Variants in SYNE1 observed in about 807,000 individuals in gnomAD.
SYNE1 encodes the protein spectrin repeat containing nuclear envelope protein 1, also known as nesprin-1.
Under a neutral mutation model 1,111.0 loss-of-function variants are expected in SYNE1, and 616 were observed. That is an observed-to-expected ratio of 0.55 (90% CI 0.52 to 0.59). The LOEUF is 0.59. SYNE1 is among the 20% of genes least tolerant of loss of function. The probability of loss-of-function intolerance (pLI) is 0.00; values close to 1 mark genes in which losing one functional copy is unlikely to be tolerated. For synonymous variants in SYNE1, 3,855 were observed against 3,825.8 expected (o/e 1.01, Z -0.28); for missense variants, 10,006 against 10,417.0 (o/e 0.96, Z 1.72).
Position 152,135,676 on chromosome 6 carries a change from C to T in SYNE1, c.25660-444G>A, listed in dbSNP as rs572034998. On this transcript the variant is annotated intron_variant, in intron 141 of 145. Coordinates refer to ENST00000367255, the MANE Select transcript of SYNE1 (RefSeq NM_182961.4). ...ACATACAGTTACTAAAGATCTCCTA[C>T]AGATAAGGCACTGTACTAGGAGTGG... is the stretch of plus-strand genomic sequence containing the variant. Among the ~76,000 whole-genome samples, 26 of 152,290 alleles carry T rather than the reference C, an allele frequency of 1.7e-4. No individual in the cohort carries two copies. The East Asian group carries it at 4.4e-3, about 26-fold the overall frequency.
chr6:152,211,513 G>C lies in SYNE1; in HGVS notation c.22570C>G (p.Gln7524Glu). 6.2e-7 allele frequency: 1 copy of C among 1,613,548 alleles called. No individual in the cohort carries two copies. Among genetic ancestry groups the C allele is most frequent in the Non-Finnish European group, 8.5e-7 (1 of 1,179,662 alleles). Residue 7524 changes from glutamine (Q) to glutamate (E), a missense_variant, in exon 124 of 146, where the codon CAA (glutamine) becomes GAA (glutamate). Around this residue, in one of 7 missense-constraint regions of SYNE1, gnomAD observed 2,182 missense variants for 2,287.8 expected, o/e 0.95. Transcript: ENST00000367255. ...TCCTACCTGTCATCAACTTGACCTT[G>C]TTCTAGAAGACGTTGCCCATCAATA... The part of the protein sequence containing the change: ...IIIDGQRLLE[Q>E]GQVDDRDEFN...
intron 137 of SYNE1, chr6:152,145,385 T>G (rs1194266203): frequency 7.1e-6 from 8 of 1,133,468 alleles, no homozygotes; most frequent in Non-Finnish European, 1.1e-5. Context: ...TGCCTTAACA[T>G]GCTAGAGCCA....
intron 143 of SYNE1, 128 bp downstream of exon 143, chr6:152,133,148 C>T: frequency 1.1e-6 from 1 of 877,030 alleles, no homozygotes; most frequent in African/African-American, 1.6e-5. Flanking sequence ...CTTGTAAGAG[C>T]AGTGGCTGAA....
rs1438313024 is a variant in SYNE1, at chr6:152,321,701, A to G, written c.16083+20T>C. ...GTTTTTGAAATGATGGGTAAAGAGA[A>G]TGAGGAGACTTTTTTGTACCTGAAG... is the stretch of plus-strand genomic sequence containing the variant. On this transcript the variant is annotated intron_variant, in intron 83 of 145. Transcript: ENST00000367255. 2.5e-6 allele frequency: 4 copies of G among 1,613,804 alleles called. No homozygotes were observed. The highest frequency in any genetic ancestry group is 3.3e-5 in the Admixed American group (2 of 59,998).
chr6:152,537,770 C>G (rs2099250468), intron 4 of SYNE1, among the ~76,000 whole-genome samples: 1 of 152,152 alleles, frequency 6.6e-6, no homozygotes, highest in Non-Finnish European at 1.5e-5. Context: ...ATTTCTTTCT[C>G]CTGCCTGATT....
intron 18 of SYNE1, chr6:152,464,827 T>C: frequency 3.9e-6 from 1 of 254,338 alleles, no homozygotes; most frequent in South Asian, 5.0e-5. Flanking sequence ...TGAAGGTTGA[T>C]AAAATCCAAA....
chr6:152,614,948 C>T lies in SYNE1; in HGVS notation c.67+13317G>A, dbSNP rs566577620. Among the ~76,000 whole-genome samples, 21 of 152,036 alleles carry T rather than the reference C, an allele frequency of 1.4e-4. No individual in the cohort carries two copies. The South Asian group carries it at 1.7e-3, about 12-fold the overall frequency. On this transcript the variant is annotated intron_variant, in intron 3 of 145. Transcript: ENST00000367255. ...ACTGAACAATGAGAACACTTGGAGA[C>T]GGGGGCAGGGGAGAACATCACATAC...
In SYNE1 at chr6:152,151,552, C is replaced by T; in HGVS notation, c.24450+1G>A. On this transcript the variant is annotated splice_donor_variant, in intron 135 of 145. Transcript: ENST00000367255. LOFTEE classifies it high-confidence loss of function. ...TGGTAACTTGAAAAATAATCTATTACCTTGAGTTGCTTTATTTTAGCTTGA... is the reference window on the plus strand; with the variant it reads ...TGGTAACTTGAAAAATAATCTATTATCTTGAGTTGCTTTATTTTAGCTTGA... 4 of 1,613,876 alleles carry T rather than the reference C, an allele frequency of 2.5e-6. No homozygotes were observed. The highest frequency in any genetic ancestry group is 3.4e-6 in the Non-Finnish European group (4 of 1,179,982).
chr6:152,339,465 T>G, intron 74 of SYNE1, 99 bp from the exon 75 acceptor site: 1 of 1,518,770 alleles, frequency 6.6e-7, no homozygotes, highest in Admixed American at 1.7e-5. Flanking sequence ...TCAAAAATAG[T>G]CTTGCTATGC....
At position 152,416,404 on chromosome 6, in the gene SYNE1, G is replaced by A. The variant is rs1374753087; in HGVS notation, c.6033C>T (p.Arg2011=). The A allele has an allele frequency of 6.2e-7, 1 of 1,614,002 alleles. No individual in the cohort carries two copies. Among genetic ancestry groups the A allele is most frequent in the Non-Finnish European group, 8.5e-7 (1 of 1,180,056 alleles). ...CTATTTACCTCTGCTGAAGAGCTTGGCGGGTAGGTTCTTTCAATCGCTCTT... is the reference window on the plus strand; with the variant it reads ...CTATTTACCTCTGCTGAAGAGCTTGACGGGTAGGTTCTTTCAATCGCTCTT... The part of the protein sequence containing the change: ...TDKERLKEPT[R]QALQQRLRVF... Residue 2011 remains arginine (R), a synonymous_variant, in exon 41 of 146, where the codon CGC becomes CGT. Transcript: ENST00000367255.
intron 93 of SYNE1, among the ~76,000 whole-genome samples, chr6:152,294,831 T>G (rs1317290072): frequency 6.6e-6 from 1 of 152,184 alleles, no homozygotes; most frequent in African/African-American, 2.4e-5. Flanking sequence ...TATCAAGAGA[T>G]ATAGTAAAGA....
intron 33 of SYNE1, chr6:152,435,328 A>G (rs1326834405): frequency 6.6e-6 from 1 of 151,736 alleles, no homozygotes; most frequent in East Asian, 1.9e-4. Context: ...TTTCCCCTCC[A>G]AACTTTTTTG....
intron 8 of SYNE1, among the ~76,000 whole-genome samples, chr6:152,507,942 A>C (rs191458607): frequency 6.6e-6 from 1 of 152,220 alleles, no homozygotes; most frequent in Admixed American, 6.5e-5. Flanking sequence ...AAAACAGTGG[A>C]TACATCCTGA....
chr6:152,354,196 C>T (rs116253324), intron 67 of SYNE1, among the ~76,000 whole-genome samples: 3,224 of 152,166 alleles, frequency 0.021, 119 homozygotes, highest in African/African-American at 0.075. Flanking sequence ...ATTTTTTAGA[C>T]CTCCTATTGT....
intron 11 of SYNE1, among the ~76,000 whole-genome samples, chr6:152,496,104 G>A (rs370328352): frequency 4.7e-4 from 72 of 152,158 alleles, no homozygotes; most frequent in African/African-American, 1.4e-3. Context: ...GGACAGGCAC[G>A]TGCACACTAG....
chr6:152,434,954 T>C (rs1382910260), intron 33 of SYNE1: 1 of 152,128 alleles, frequency 6.6e-6, no homozygotes, highest in Non-Finnish European at 1.5e-5. Context: ...TTAAATTAAA[T>C]AAAGGTTAAA....
intron 21 of SYNE1, among the ~76,000 whole-genome samples, chr6:152,459,298 G>A (rs186438246): frequency 3.3e-5 from 5 of 152,248 alleles, no homozygotes; most frequent in Non-Finnish European, 7.4e-5. Context: ...ACCTAAGACA[G>A]TCATGAATTA....
At position 152,230,364 on chromosome 6, in the gene SYNE1, A is replaced by G. The variant is rs547511185; in HGVS notation, c.21195+183T>C. On this transcript the variant is annotated intron_variant, in intron 115 of 145. Coordinates refer to ENST00000367255, the MANE Select transcript of SYNE1 (RefSeq NM_182961.4). ...AATTTCAAATTTTTAAAAACGAGTGAAAAAAACCTAATGTATTTTAAAAAA... is the reference window on the plus strand; with the variant it reads ...AATTTCAAATTTTTAAAAACGAGTGGAAAAAACCTAATGTATTTTAAAAAA... 2.1e-4 allele frequency among the ~76,000 whole-genome samples: 32 copies of G among 152,284 alleles called. 1 individual carries two copies. In the South Asian group the frequency reaches 6.2e-3, roughly 30 times the overall value.
chr6:152,339,505 CAT>C (rs2096485382), intron 74 of SYNE1, 139 bp from the exon 75 acceptor site: 6 of 1,260,012 alleles, frequency 4.8e-6, no homozygotes, highest in Non-Finnish European at 5.5e-6. Flanking sequence ...GTTCAAGTGA[CAT>C]ATATTAGTGA....
Sources: gnomAD v4.1 joint callset for allele counts (sites outside exome capture counted in the v4.1 genomes callset) on GRCh38, gnomAD v4.1.1 for gene constraint, gnomAD v4.1.1 regional missense constraint, MANE v1.5 for transcripts, NCBI Gene and HGNC (gene_info 2026-07-23, HGNC 2026-07-21) for gene names.